The following OR7G3 variants were observed in gnomAD, a reference collection of about 807,000 sequenced individuals.
OR7G3 encodes olfactory receptor 7G3.
For synonymous variants in OR7G3, 143 were observed against 157.6 expected (o/e 0.91, Z 0.69); for missense variants, 352 against 372.1 (o/e 0.95, Z 0.44).
rs61730387 is a variant in OR7G3, at chr19:9,126,241, G to A, written c.710C>T (p.Ala237Val). Residue 237 changes from alanine to valine, a missense_variant, in exon 1 of 1, where the codon GCT becomes GTT. By Grantham distance (64) the Ala-to-Val change is moderately conservative. Coordinates refer to ENST00000305444, the MANE Select transcript of OR7G3 (RefSeq NM_001001958.1). ...TAAATGTGACCCGCAGATGGAAAAA[G>A]CTTTATACTTTCCACCAGCTGATGG... ...KIPSAGGKYK[A>V]FSICGSHLIV... is the part of the protein sequence containing the mutation. 1 of 1,437,388 alleles carries A rather than the reference G, an allele frequency of 7.0e-7. No individual in the cohort carries two copies. The highest frequency in any genetic ancestry group is 9.5e-7 in the Non-Finnish European group (1 of 1,050,938). The allele number at this position is 1,437,388 out of a possible 1,614,324, so 89.0% of individuals were successfully genotyped here.
chr19:9,126,230 A>C lies in OR7G3; in HGVS notation c.721T>G (p.Cys241Gly). The change falls in exon 1 of 1, where the codon TGC (cysteine) becomes GGC (glycine). Residue 241 changes from cysteine to glycine, a missense_variant. Coordinates refer to ENST00000305444, the MANE Select transcript of OR7G3 (RefSeq NM_001001958.1). ...GAAACAACGATTAAATGTGACCCGC[A>C]GATGGAAAAAGCTTTATACTTTCCA... ...AGGKYKAFSI[C>G]GSHLIVVSLF... The C allele has an allele frequency of 6.2e-7, 1 of 1,613,136 alleles. No homozygotes were observed. The highest frequency in any genetic ancestry group is 8.5e-7 in the Non-Finnish European group (1 of 1,179,762).
Position 9,126,038 on chromosome 19 carries a change from T to A in OR7G3, c.913A>T (p.Ile305Leu). The A allele has an allele frequency of 6.3e-7, 1 of 1,595,664 alleles. No individual in the cohort carries two copies. The highest frequency in any genetic ancestry group is 1.4e-5 in the African/African-American group (1 of 72,486). ...CAATGGAAAGATGGTATCCTAGATA[T>A]TAGTTTCCTCAAAGCCTTCAACATG... The part of the protein sequence containing the change: ...KDMLKALRKL[I>L]SRIPSFH The change falls in exon 1 of 1, where the codon ATA (isoleucine) becomes TTA (leucine). Residue 305 changes from isoleucine (I) to leucine (L), a missense_variant. Coordinates refer to ENST00000305444, the MANE Select transcript of OR7G3 (RefSeq NM_001001958.1).
Position 9,126,588 on chromosome 19 carries a change from A to G in OR7G3, c.363T>C (p.Asp121=), listed in dbSNP as rs1192970156. Residue 121 remains aspartate, a synonymous_variant, in exon 1 of 1, where the codon GAT becomes GAC. Coordinates refer to ENST00000305444, the MANE Select transcript of OR7G3 (RefSeq NM_001001958.1). ...GTGGGTGACAGATGGCCACAAATCGATCATAGGCCATCATGACCAGAATTC... is the reference window on the plus strand; with the variant it reads ...GTGGGTGACAGATGGCCACAAATCGGTCATAGGCCATCATGACCAGAATTC... The part of the protein sequence containing the change: ...ENGILVMMAY[D]RFVAICHPLR... The G allele has an allele frequency of 2.5e-5, 41 of 1,614,002 alleles. No homozygotes were observed. The highest frequency in any genetic ancestry group is 3.3e-5 in the Non-Finnish European group (39 of 1,180,026).
rs557370883 is a variant in OR7G3 at position 9,126,631 on chromosome 19, A to G, written c.320T>C (p.Phe107Ser). The G allele has an allele frequency of 3.7e-6, 6 of 1,614,152 alleles. No homozygotes were observed. The South Asian group carries it at 5.5e-5, about 15-fold the overall frequency. ...CAGAATTCCATTTTCCAATCCAACA[A>G]AAACCAGGACAAAGCAGATTTGGGT... ...CLTQICFVLV[F>S]VGLENGILVM... Residue 107 changes from phenylalanine (F) to serine (S), a missense_variant, in exon 1 of 1, where the codon TTT becomes TCT. Transcript: ENST00000305444.
chr19:9,126,516 A>C lies in OR7G3; in HGVS notation c.435T>G (p.Leu145=). The C allele has an allele frequency of 6.2e-7, 1 of 1,614,180 alleles. No homozygotes were observed. Among genetic ancestry groups the C allele is most frequent in the Non-Finnish European group, 8.5e-7 (1 of 1,180,042 alleles). ...IMNPKLCGLL[L]LLSFIVSVLD... The stretch of plus-strand genomic sequence containing the variant: ...GGACACTAACGATGAAGGACAGCAG[A>C]AGCAGCAGCCCACAGAGTTTGGGGT... The change falls in exon 1 of 1, where the codon CTT becomes CTG. Residue 145 remains leucine, a synonymous_variant. Coordinates refer to ENST00000305444, the MANE Select transcript of OR7G3 (RefSeq NM_001001958.1).
rs751858999 is a variant in OR7G3, at chr19:9,126,664, C to G, written c.287G>C (p.Gly96Ala). 6.2e-6 allele frequency: 10 copies of G among 1,613,966 alleles called. No individual in the cohort carries two copies. The Admixed American group carries it at 8.3e-5, about 13-fold the overall frequency. ...QAQAQSINYT[G>A]CLTQICFVLV... is the part of the protein sequence containing the mutation. ...GACAAAGCAGATTTGGGTGAGGCAGCCTGTGTAATTGATGGATTGAGCCTG... is the reference window on the plus strand; with the variant it reads ...GACAAAGCAGATTTGGGTGAGGCAGGCTGTGTAATTGATGGATTGAGCCTG... Residue 96 changes from glycine (G) to alanine (A), a missense_variant, in exon 1 of 1, where the codon GGC becomes GCC. Coordinates refer to ENST00000305444, the MANE Select transcript of OR7G3 (RefSeq NM_001001958.1).
At position 9,126,810 on chromosome 19, in the gene OR7G3, C is replaced by G. The variant is rs771721071; in HGVS notation, c.141G>C (p.Leu47=). 6.2e-7 allele frequency: 1 copy of G among 1,613,904 alleles called. No individual in the cohort carries two copies. The highest frequency in any genetic ancestry group is 1.1e-5 in the South Asian group (1 of 91,058). ...ATMLGNLLII[L]AVNSDSHLHT... ...GGAGGTGGGAGTCAGAGTTGACGGC[C>G]AGGATGATGAGCAGGTTCCCCAGCA... Residue 47 remains leucine, a synonymous_variant, in exon 1 of 1, where the codon CTG becomes CTC. Coordinates refer to ENST00000305444, the MANE Select transcript of OR7G3 (RefSeq NM_001001958.1).
Position 9,126,674 on chromosome 19 carries a change from T to C in OR7G3, c.277A>G (p.Asn93Asp), listed in dbSNP as rs775908147. 6.2e-7 allele frequency: 1 copy of C among 1,614,074 alleles called. No individual in the cohort carries two copies. Among genetic ancestry groups the C allele is most frequent in the Non-Finnish European group, 8.5e-7 (1 of 1,180,026 alleles). ...ATTTGGGTGAGGCAGCCTGTGTAAT[T>C]GATGGATTGAGCCTGTGCCTGGATG... Reference protein sequence around the residue: ...VNIQAQAQSINYTGCLTQICF... With the variant: ...VNIQAQAQSIDYTGCLTQICF... The change falls in exon 1 of 1, where the codon AAT (asparagine) becomes GAT (aspartate). Residue 93 changes from asparagine (N) to aspartate (D), a missense_variant. Physicochemically the swap from Asn to Asp is conservative, Grantham distance 23 (BLOSUM62 1). Coordinates refer to ENST00000305444, the MANE Select transcript of OR7G3 (RefSeq NM_001001958.1).
rs746836067 is a variant in OR7G3 at position 9,126,157 on chromosome 19, G to C, written c.794C>G (p.Thr265Ser). ...GFGVYLSSGA[T>S]HSSRKGAIAS... ...TATTGCACCCTTCCTGGAGGAGTGG[G>C]TAGCCCCAGAACTAAGGTACACCCC... Residue 265 changes from threonine (T) to serine (S), a missense_variant, in exon 1 of 1, where the codon ACC (threonine) becomes AGC (serine). Physicochemically the swap from Thr to Ser is moderately conservative, Grantham distance 58 (BLOSUM62 1). Coordinates refer to ENST00000305444, the MANE Select transcript of OR7G3 (RefSeq NM_001001958.1). 5.6e-6 allele frequency: 9 copies of C among 1,614,056 alleles called. No individual in the cohort carries two copies. The highest frequency in any genetic ancestry group is 3.4e-6 in the Non-Finnish European group (4 of 1,180,042).
rs756996593 is a variant in OR7G3, at chr19:9,126,227, C to T, written c.724G>A (p.Gly242Arg). Residue 242 changes from glycine to arginine, a missense_variant, in exon 1 of 1, where the codon GGG (glycine) becomes AGG (arginine). By Grantham distance (125) the Gly-to-Arg change is moderately radical. Coordinates refer to ENST00000305444, the MANE Select transcript of OR7G3 (RefSeq NM_001001958.1). ...AAGGAAACAACGATTAAATGTGACC[C>T]GCAGATGGAAAAAGCTTTATACTTT... is the stretch of plus-strand genomic sequence containing the variant. ...GGKYKAFSIC[G>R]SHLIVVSLFY... The T allele has an allele frequency of 2.5e-6, 4 of 1,613,248 alleles. No individual in the cohort carries two copies. Among genetic ancestry groups the T allele is most frequent in the Admixed American group, 3.3e-5 (2 of 59,882 alleles).
Position 9,126,595 on chromosome 19 carries a change from GC to G in OR7G3, c.355del (p.Ala119ProfsTer12). ...GLENGILVMM[A>X]YDRFVAICHP... ...ACAGATGGCCACAAATCGATCATAGGCCATCATGACCAGAATTCCATTTTCC... is the reference window on the plus strand; with the variant it reads ...ACAGATGGCCACAAATCGATCATAGGCATCATGACCAGAATTCCATTTTCC... On this transcript the variant is annotated frameshift_variant, in exon 1 of 1. Coordinates refer to ENST00000305444, the MANE Select transcript of OR7G3 (RefSeq NM_001001958.1). LOFTEE classifies it low-confidence loss of function (END_TRUNC). The G allele has an allele frequency of 1.9e-6, 3 of 1,614,010 alleles. No individual in the cohort carries two copies. The highest frequency in any genetic ancestry group is 2.5e-6 in the Non-Finnish European group (3 of 1,179,974).
chr19:9,126,682 T>G lies in OR7G3; in HGVS notation c.269A>C (p.Gln90Pro). Residue 90 changes from glutamine (Q) to proline (P), a missense_variant, in exon 1 of 1, where the codon CAA becomes CCA. Gln to Pro is a moderately conservative substitution (Grantham distance 76). Transcript: ENST00000305444. ...GAGGCAGCCTGTGTAATTGATGGAT[T>G]GAGCCTGTGCCTGGATGTTCACCAG... ...KMLVNIQAQA[Q>P]SINYTGCLTQ... 1 of 1,614,116 alleles carries G rather than the reference T, an allele frequency of 6.2e-7. No homozygotes were observed. Among genetic ancestry groups the G allele is most frequent in the Non-Finnish European group, 8.5e-7 (1 of 1,180,018 alleles).
chr19:9,126,500 C>T lies in OR7G3; in HGVS notation c.451G>A (p.Val151Ile), dbSNP rs745901785. 8.4e-5 allele frequency: 136 copies of T among 1,613,938 alleles called. 1 individual carries two copies. In the South Asian group the frequency reaches 9.2e-4, roughly 11 times the overall value. Residue 151 changes from valine (V) to isoleucine (I), a missense_variant, in exon 1 of 1, where the codon GTT (valine) becomes ATT (isoleucine). Physicochemically the swap from Val to Ile is conservative, Grantham distance 29 (BLOSUM62 3). Transcript: ENST00000305444. The part of the protein sequence containing the change: ...CGLLLLLSFI[V>I]SVLDALLHTL... ...TGCAGCAGAGCATCCAGGACACTAA[C>T]GATGAAGGACAGCAGAAGCAGCAGC...
At position 9,126,855 on chromosome 19, in the gene OR7G3, C is replaced by G. The variant is rs369959237; in HGVS notation, c.96G>C (p.Leu32=). The change falls in exon 1 of 1, where the codon CTG becomes CTC. Residue 32 remains leucine, a synonymous_variant. Coordinates refer to ENST00000305444, the MANE Select transcript of OR7G3 (RefSeq NM_001001958.1). ...CCAGCATTGTGGCCAGGTACATGGA[C>G]AGGAACAGCATGAAGAGGATGGGCT... ...ELQPILFMLF[L]SMYLATMLGN... The G allele has an allele frequency of 1.2e-6, 2 of 1,613,846 alleles. No individual in the cohort carries two copies. The highest frequency in any genetic ancestry group is 2.7e-5 in the African/African-American group (2 of 74,872).
Position 9,126,792 on chromosome 19 carries a change from G to A in OR7G3, c.159C>T (p.Ser53=), listed in dbSNP as rs539799117. 118 of 1,613,976 alleles carry A rather than the reference G, an allele frequency of 7.3e-5. 1 individual carries two copies. In the South Asian group the frequency reaches 1.1e-3, roughly 16 times the overall value. Residue 53 remains serine (S), a synonymous_variant, in exon 1 of 1, where the codon TCC becomes TCT. Transcript: ENST00000305444. ...GGAAGTACATGGGGGTGTGGAGGTG[G>A]GAGTCAGAGTTGACGGCCAGGATGA... The part of the protein sequence containing the change: ...LLIILAVNSD[S]HLHTPMYFLL...
Position 9,126,092 on chromosome 19 carries a change from G to C in OR7G3, c.859C>G (p.Pro287Ala), listed in dbSNP as rs1383402950. The C allele has an allele frequency of 1.2e-6, 2 of 1,613,984 alleles. No homozygotes were observed. The highest frequency in any genetic ancestry group is 1.7e-5 in the Admixed American group (1 of 59,984). ...MYTVVTPMLN[P>A]LIYSLRNKDM... Reference sequence around the variant, plus strand: ...TTGTTTCTCAGGCTGTAAATGAGTGGGTTCAGCATGGGGGTGACCACGGTA... The same window carrying C: ...TTGTTTCTCAGGCTGTAAATGAGTGCGTTCAGCATGGGGGTGACCACGGTA... Residue 287 changes from proline to alanine, a missense_variant, in exon 1 of 1, where the codon CCA becomes GCA. By Grantham distance (27) the Pro-to-Ala change is conservative (BLOSUM62 -1). Coordinates refer to ENST00000305444, the MANE Select transcript of OR7G3 (RefSeq NM_001001958.1).
At position 9,126,089 on chromosome 19, in the gene OR7G3, G is replaced by A. The variant is rs1031215391; in HGVS notation, c.862C>T (p.Leu288Phe). The change falls in exon 1 of 1, where the codon CTC becomes TTC. Residue 288 changes from leucine to phenylalanine, a missense_variant. Leu to Phe is a conservative substitution (Grantham distance 22). Transcript: ENST00000305444. Reference sequence around the variant, plus strand: ...TCCTTGTTTCTCAGGCTGTAAATGAGTGGGTTCAGCATGGGGGTGACCACG... The same window carrying A: ...TCCTTGTTTCTCAGGCTGTAAATGAATGGGTTCAGCATGGGGGTGACCACG... ...YTVVTPMLNP[L>F]IYSLRNKDML... The A allele has an allele frequency of 6.2e-7, 1 of 1,613,998 alleles. No homozygotes were observed. The highest frequency in any genetic ancestry group is 8.5e-7 in the Non-Finnish European group (1 of 1,179,916).
In OR7G3 at chr19:9,126,904, C is replaced by T; in HGVS notation, c.47G>A (p.Gly16Glu). Residue 16 changes from glycine (G) to glutamate (E), a missense_variant, in exon 1 of 1, where the codon GGA becomes GAA. Transcript: ENST00000305444. The part of the protein sequence containing the change: ...FSDTPEFFLL[G>E]LSGDPELQPI... ...CTGCAGCTCCGGATCCCCTGACAAT[C>T]CCAAGAGAAAGAATTCTGGAGTGTC... 2 of 1,606,772 alleles carry T rather than the reference C, an allele frequency of 1.2e-6. No homozygotes were observed. The highest frequency in any genetic ancestry group is 1.7e-6 in the Non-Finnish European group (2 of 1,176,338).
Position 9,126,925 on chromosome 19 carries a change from G to T in OR7G3, c.26C>A (p.Thr9Asn), listed in dbSNP as rs1197384227. Reference protein sequence around the residue: MKAGNFSDTPEFFLLGLSG... With the variant: MKAGNFSDNPEFFLLGLSG... The stretch of plus-strand genomic sequence containing the variant: ...CAATCCCAAGAGAAAGAATTCTGGA[G>T]TGTCTGAGAAGTTTCCTGCTTTCAT... The change falls in exon 1 of 1, where the codon ACT (threonine) becomes AAT (asparagine). Residue 9 changes from threonine to asparagine, a missense_variant. By Grantham distance (65) the Thr-to-Asn change is moderately conservative (BLOSUM62 0). Transcript: ENST00000305444. 4 of 1,593,904 alleles carry T rather than the reference G, an allele frequency of 2.5e-6. No individual in the cohort carries two copies. The highest frequency in any genetic ancestry group is 2.6e-6 in the Non-Finnish European group (3 of 1,170,254).
Sources: gnomAD v4.1 joint callset for allele counts on GRCh38, gnomAD v4.1.1 for gene constraint, MANE v1.5 for transcripts, NCBI Gene and HGNC (gene_info 2026-07-23, HGNC 2026-07-21) for gene names.